TMEM232: variants seen among roughly 807,000 people sequenced by gnomAD.
TMEM232 encodes transmembrane protein 232.
In TMEM232, 80 loss-of-function variants were observed where a neutral mutation model predicts 78.8. That is an observed-to-expected ratio of 1.01 (90% confidence interval 0.85 to 1.22). The LOEUF is 1.22. Ranked by LOEUF, TMEM232 falls within the 50% of genes most tolerant of loss-of-function variation. The pLI, the probability that TMEM232 is intolerant of heterozygous loss-of-function variation, is 0.00. For synonymous variants in TMEM232, 297 were observed against 254.3 expected (o/e 1.17, Z -1.60); for missense variants, 881 against 742.2 (o/e 1.19, Z -2.17).
chr5:110,720,159 T>C (rs970211528), intron 1 of TMEM232, among the ~76,000 whole-genome samples: 14 of 152,068 alleles, frequency 9.2e-5, no homozygotes, highest in African/African-American at 3.4e-4. Context: ...CCCTGGGCAG[T>C]CTCCAAGCCA....
chr5:110,480,026 C>G (rs773179294), intron 12 of TMEM232, among the ~76,000 whole-genome samples: 31 of 151,526 alleles, frequency 2.0e-4, no homozygotes, highest in Non-Finnish European at 3.4e-4. Flanking sequence ...AGTTCTTTAT[C>G]ATATATAACT....
At chr5:110,613,928 T>C (rs10037408) in intron 8 of TMEM232, among the ~76,000 whole-genome samples, 11,431 of 152,096 alleles carry the variant, frequency 0.075, 546 homozygotes, top group South Asian at 0.2. Context: ...ATTAACAGAA[T>C]AGTTAATCAA....
intron 12 of TMEM232, among the ~76,000 whole-genome samples, chr5:110,505,138 T>C (rs184158518): frequency 6.6e-5 from 10 of 152,332 alleles, no homozygotes; most frequent in Admixed American, 2.6e-4. Flanking sequence ...TAACTCTGAT[T>C]CCCAGCTCCC....
At chr5:110,480,475 T>TAA (rs1294270414) in intron 12 of TMEM232, among the ~76,000 whole-genome samples, 1 of 152,016 alleles carries the variant, frequency 6.6e-6, no homozygotes, top group Non-Finnish European at 1.5e-5. Context: ...CATACCTGAG[T>TAA]AAAAGATTTA....
At chr5:110,499,625 A>AC (rs1242778747) in intron 12 of TMEM232, among the ~76,000 whole-genome samples, 2 of 121,812 alleles carry the variant, frequency 1.6e-5, no homozygotes, top group African/African-American at 1.2e-4. Context: ...ATATATGTAT[A>AC]CACCCCCCCC....
chr5:110,423,688 G>T (rs1482931660), intron 13 of TMEM232, among the ~76,000 whole-genome samples: 1 of 151,864 alleles, frequency 6.6e-6, no homozygotes, highest in Admixed American at 6.6e-5. Context: ...ATGATGGATG[G>T]TTGTTAGGAG....
intron 12 of TMEM232, among the ~76,000 whole-genome samples, chr5:110,431,888 TG>T (rs1757896399): frequency 6.6e-6 from 1 of 151,608 alleles, no homozygotes. Flanking sequence ...GAGACATATA[TG>T]AGAATGTTCC....
chr5:110,509,344 G>A (rs1460844281), intron 12 of TMEM232, among the ~76,000 whole-genome samples: 1 of 152,006 alleles, frequency 6.6e-6, no homozygotes, highest in African/African-American at 2.4e-5. Context: ...CTGAGAGGCA[G>A]GAGGATCTCA....
At chr5:110,456,368 A>C (rs915444155) in intron 12 of TMEM232, among the ~76,000 whole-genome samples, 1 of 152,170 alleles carries the variant, frequency 6.6e-6, no homozygotes, top group Non-Finnish European at 1.5e-5. Flanking sequence ...TATATGCAAC[A>C]AAGTAAAAAA....
intron 8 of TMEM232, among the ~76,000 whole-genome samples, chr5:110,609,368 C>T (rs981067064): frequency 6.6e-6 from 1 of 151,674 alleles, no homozygotes; most frequent in Non-Finnish European, 1.5e-5. Flanking sequence ...TTGTTTTCCC[C>T]AAAAAAAGTA....
At chr5:110,735,743 T>A (rs1799094748) in intron 1 of TMEM232, among the ~76,000 whole-genome samples, 1 of 152,202 alleles carries the variant, frequency 6.6e-6, no homozygotes. Context: ...CTCCCAGCTG[T>A]TAAGTCATAA....
chr5:110,406,742 C>T (rs1580566929), intron 2 of TMEM232, among the ~76,000 whole-genome samples: 1 of 151,864 alleles, frequency 6.6e-6, no homozygotes, highest in East Asian at 1.9e-4. Context: ...GTATTAAGCA[C>T]AAAAGACAAA....
At chr5:110,722,482 C>T (rs1347815227) in intron 1 of TMEM232, among the ~76,000 whole-genome samples, 5 of 152,254 alleles carry the variant, frequency 3.3e-5, no homozygotes, top group Admixed American at 6.5e-5. Flanking sequence ...GTTCACTACA[C>T]GGCTGTCAAG....
At chr5:110,652,837 A>G (rs1788526636) in intron 2 of TMEM232, among the ~76,000 whole-genome samples, 1 of 152,240 alleles carries the variant, frequency 6.6e-6, no homozygotes, top group South Asian at 2.1e-4. Flanking sequence ...ATATCAAAGG[A>G]TTTCACAAAG....
At chr5:110,519,316 A>C (rs1176392843) in intron 12 of TMEM232, among the ~76,000 whole-genome samples, 2 of 152,166 alleles carry the variant, frequency 1.3e-5, no homozygotes, top group African/African-American at 4.8e-5. Context: ...CCATGGGAAA[A>C]ATAAAAATTT....
chr5:110,532,751 C>A (rs1771725553), intron 11 of TMEM232, among the ~76,000 whole-genome samples: 1 of 152,064 alleles, frequency 6.6e-6, no homozygotes, highest in African/African-American at 2.4e-5. Context: ...GATAACTCTA[C>A]CCCGTCCTTG....
At chr5:110,502,795 G>A (rs1018164325) in intron 12 of TMEM232, among the ~76,000 whole-genome samples, 4 of 152,060 alleles carry the variant, frequency 2.6e-5, no homozygotes, top group Admixed American at 1.3e-4. Flanking sequence ...TGCCTGTACC[G>A]TATGTCTACA....
intron 1 of TMEM232, among the ~76,000 whole-genome samples, chr5:110,677,743 A>G (rs1270681667): frequency 1.3e-5 from 2 of 152,310 alleles, no homozygotes; most frequent in East Asian, 3.9e-4. Flanking sequence ...TTAAATTTTG[A>G]AAATACAGCA....
At chr5:110,557,637 T>C (rs1317119787) in intron 11 of TMEM232, among the ~76,000 whole-genome samples, 1 of 152,142 alleles carries the variant, frequency 6.6e-6, no homozygotes, top group African/African-American at 2.4e-5. Flanking sequence ...ATATCTTACA[T>C]GGCTGGAGAA....
Sources: allele counts gnomAD v4.1 joint callset (sites outside exome capture counted in the v4.1 genomes callset), GRCh38; gene constraint gnomAD v4.1.1; transcripts MANE v1.5; gene names NCBI Gene and HGNC (gene_info 2026-07-23, HGNC 2026-07-21).